The following DKK2 variants were observed in gnomAD, a reference collection of about 807,000 sequenced individuals.
DKK2 encodes the protein dickkopf Wnt signaling pathway inhibitor 2.
Under a neutral mutation model 28.1 loss-of-function variants are expected in DKK2, and 11 were observed. The observed-to-expected ratio is 0.39, with a 90% CI of 0.25 to 0.65. The LOEUF (loss-of-function observed/expected upper bound fraction) is 0.65, where lower values mean the gene tolerates loss of function less well. DKK2 is among the 30% of genes least tolerant of loss of function. The probability of loss-of-function intolerance (pLI) is 0.47; values close to 1 mark genes in which losing one functional copy is unlikely to be tolerated. For synonymous variants in DKK2, 135 were observed against 126.5 expected, an observed-to-expected ratio of 1.07 and a Z score of -0.45; for missense variants, 326 against 335.5, an observed-to-expected ratio of 0.97 and a Z score of 0.22.
In DKK2 at chr4:106,945,856, C is replaced by A. The variant is rs557525047; in HGVS notation, c.223-19907G>T. Among the ~76,000 whole-genome samples the A allele has an allele frequency of 4.6e-5, 7 of 152,214 alleles. No individual in the cohort carries two copies. In the South Asian group the frequency reaches 1.5e-3, roughly 32 times the overall value. On this transcript the variant is annotated intron_variant, in intron 1 of 3. Coordinates refer to ENST00000285311, the MANE Select transcript of DKK2 (RefSeq NM_014421.3). ...ATAACCTGGGTGTGGTGAAGATGAGCATTTCACATTTCTCACTAGAGTTCA... is the reference window on the plus strand; with the variant it reads ...ATAACCTGGGTGTGGTGAAGATGAGAATTTCACATTTCTCACTAGAGTTCA...
chr4:107,002,371 T>C (rs1309162859), intron 1 of DKK2, among the ~76,000 whole-genome samples: 1 of 152,242 alleles, frequency 6.6e-6, no homozygotes, highest in African/African-American at 2.4e-5. Context: ...GCTTTTTCCA[T>C]AAGCAGAAGC....
chr4:106,967,251 C>T (rs1461377278), intron 1 of DKK2, among the ~76,000 whole-genome samples: 2 of 152,018 alleles, frequency 1.3e-5, no homozygotes, highest in Non-Finnish European at 2.9e-5. Context: ...TAAAATAAAG[C>T]CACCAAACTT....
At chr4:107,003,647 A>G (rs1458563857) in intron 1 of DKK2, among the ~76,000 whole-genome samples, 1 of 152,252 alleles carries the variant, frequency 6.6e-6, no homozygotes, top group Non-Finnish European at 1.5e-5. Context: ...TCCTCAGCCA[A>G]GCATATACAC....
chr4:106,988,778 G>C (rs1331585065), intron 1 of DKK2, among the ~76,000 whole-genome samples: 1 of 152,194 alleles, frequency 6.6e-6, no homozygotes, highest in African/African-American at 2.4e-5. Flanking sequence ...AAGAACAGGA[G>C]AAAGCACTGT....
rs2110339114 is a variant in DKK2 at position 106,925,936 on chromosome 4, C to T, written c.236G>A (p.Ser79Asn). ...CCCAACTTCACACTCCTTATCACTG[C>T]TACAAGGGTAGGCCTGTCATCAAGT... ...GKNLGQAYPC[S>N]SDKECEVGRY... The change falls in exon 2 of 4, where the codon AGC (serine) becomes AAC (asparagine). Residue 79 changes from serine to asparagine, a missense_variant. Ser to Asn is a conservative substitution (Grantham distance 46). Transcript: ENST00000285311. 1 of 1,609,240 alleles carries T rather than the reference C, an allele frequency of 6.2e-7. No homozygotes were observed. The highest frequency in any genetic ancestry group is 8.5e-7 in the Non-Finnish European group (1 of 1,178,408).
Position 106,923,833 on chromosome 4 carries a change from A to G in DKK2, c.*121T>C, listed in dbSNP as rs1425376892. The G allele has an allele frequency of 1.5e-6, 2 of 1,354,050 alleles. No individual in the cohort carries two copies. Among genetic ancestry groups the G allele is most frequent in the Non-Finnish European group, 2.0e-6 (2 of 988,956 alleles). 83.9% of individuals were successfully genotyped at this position (1,354,050 alleles called of 1,614,324 possible). A position where few individuals can be genotyped will look rare whatever the true frequency, so the allele number is the denominator to read the frequency against. On this transcript the variant is annotated 3_prime_UTR_variant, in exon 4 of 4. Transcript: ENST00000285311. ...TTTCTCCCTTTTTGTGATCATCTAT[A>G]TTCTTATCACGTTTCTTATTTTAGC...
intron 1 of DKK2, among the ~76,000 whole-genome samples, chr4:107,019,042 C>A (rs1047145733): frequency 6.6e-6 from 1 of 151,868 alleles, no homozygotes; most frequent in African/African-American, 2.4e-5. Flanking sequence ...GATTTACAAC[C>A]TGCTCCTCTT....
chr4:107,005,340 C>CAAAAAAAA (rs35333301), intron 1 of DKK2, among the ~76,000 whole-genome samples: 11 of 72,412 alleles, frequency 1.5e-4, no homozygotes, highest in East Asian at 8.6e-4. Context: ...GACTTGGTCT[C>CAAAAAAAA]AAAAAAAAAA....
rs111654729 is a variant in DKK2, at chr4:106,941,139, TA to T, written c.223-15191del. Among the ~76,000 whole-genome samples, 10 of 151,312 alleles carry T rather than the reference TA, an allele frequency of 6.6e-5. 1 individual carries two copies. The highest frequency in any genetic ancestry group is 5.9e-4 in the Admixed American group (9 of 15,174). ...ATAAAATAACAAAATAAAAATAAAA[TA>T]AAAAAAAGCATGACAAGGAGGTGAT... On this transcript the variant is annotated intron_variant, in intron 1 of 3. Coordinates refer to ENST00000285311, the MANE Select transcript of DKK2 (RefSeq NM_014421.3).
intron 1 of DKK2, among the ~76,000 whole-genome samples, chr4:106,936,301 A>C (rs372772656): frequency 6.6e-6 from 1 of 152,182 alleles, no homozygotes; most frequent in Non-Finnish European, 1.5e-5. Flanking sequence ...ACCAAGGCTC[A>C]AGAACTACGT....
chr4:106,925,651 A>G, intron 2 of DKK2, 148 bp downstream of exon 2: 1 of 1,002,070 alleles, frequency 1.0e-6, no homozygotes, highest in East Asian at 2.5e-5. Context: ...TGGGGAGGTA[A>G]TCCAGGTAAT....
chr4:107,011,745 T>TA (rs1560591588), intron 1 of DKK2, among the ~76,000 whole-genome samples: 1 of 151,184 alleles, frequency 6.6e-6, no homozygotes, highest in East Asian at 1.9e-4. Flanking sequence ...AGTGTGTTGA[T>TA]AAAAAACACA....
At chr4:107,015,743 G>C (rs1474929899) in intron 1 of DKK2, among the ~76,000 whole-genome samples, 1 of 151,472 alleles carries the variant, frequency 6.6e-6, no homozygotes, top group Non-Finnish European at 1.5e-5. Context: ...TGTTTTGTTG[G>C]TTAATTTGTG....
intron 1 of DKK2, among the ~76,000 whole-genome samples, chr4:106,965,300 A>T (rs1156745836): frequency 3.9e-5 from 6 of 152,130 alleles, no homozygotes; most frequent in Non-Finnish European, 7.4e-5. Flanking sequence ...TTGAGGGACA[A>T]CTAATATTAG....
At chr4:107,002,415 C>T (rs17431991) in intron 1 of DKK2, among the ~76,000 whole-genome samples, 6,012 of 152,110 alleles carry the variant, frequency 0.04, 175 homozygotes, top group Non-Finnish European at 0.061. Context: ...ACTTCTTCAC[C>T]GAAAAAATTT....
rs372421860 is a variant in DKK2, at chr4:107,035,602, G to C, written c.-11C>G. ...CATCAACGCGGCCATCTCCCGGCGA[G>C]GGGGTCCCCAGGAAGACGCAAAGCC... On this transcript the variant is annotated 5_prime_UTR_variant, in exon 1 of 4. Transcript: ENST00000285311. 55 of 1,613,148 alleles carry C rather than the reference G, an allele frequency of 3.4e-5. No individual in the cohort carries two copies. The highest frequency in any genetic ancestry group is 4.3e-5 in the Non-Finnish European group (51 of 1,179,862).
At chr4:107,030,300 G>C (rs1723857415) in intron 1 of DKK2, among the ~76,000 whole-genome samples, 1 of 151,834 alleles carries the variant, frequency 6.6e-6, no homozygotes, top group Non-Finnish European at 1.5e-5. Context: ...AGTGGACAGA[G>C]GAGGAACAGA....
intron 1 of DKK2, 95 bp from the exon 2 acceptor site, chr4:106,926,044 C>T (rs1724421665): frequency 7.5e-7 from 1 of 1,324,928 alleles, no homozygotes; most frequent in Admixed American, 2.7e-5. Flanking sequence ...AAATGAATCA[C>T]AATATATCTC....
chr4:107,012,148 T>C (rs1194330795), intron 1 of DKK2, among the ~76,000 whole-genome samples: 1 of 151,212 alleles, frequency 6.6e-6, no homozygotes, highest in Non-Finnish European at 1.5e-5. Context: ...TGCTGAGAGA[T>C]CTCATATCCC....
Sources: gnomAD v4.1 joint callset for allele counts (sites outside exome capture counted in the v4.1 genomes callset) on GRCh38, gnomAD v4.1.1 for gene constraint, MANE v1.5 for transcripts, NCBI Gene and HGNC (gene_info 2026-07-23, HGNC 2026-07-21) for gene names.